Variants in C4orf36 observed in about 807,000 individuals in gnomAD.
C4orf36 encodes the protein uncharacterized protein C4orf36.
In C4orf36, 11 loss-of-function variants were observed where a neutral mutation model predicts 12.2. The ratio of observed to expected loss-of-function variants is 0.90; its 90% CI spans 0.57 to 1.49. C4orf36 has a LOEUF of 1.49. Ranked by LOEUF, C4orf36 falls within the 40% of genes most tolerant of loss-of-function variation. The pLI is 0.00. For synonymous variants in C4orf36, 54 were observed against 51.3 expected (o/e 1.05, Z -0.22); for missense variants, 137 against 133.9 (o/e 1.02, Z -0.11).
the C4orf36 span, among the ~76,000 whole-genome samples, chr4:86,924,122 C>G: frequency 6.6e-6 from 1 of 152,104 alleles, no homozygotes; most frequent in Non-Finnish European, 1.5e-5. Context: ...CTTGCTGCAG[C>G]CTCAACTTCC....
chr4:86,919,095 G>A, the C4orf36 span, among the ~76,000 whole-genome samples: 1 of 149,804 alleles, frequency 6.7e-6, no homozygotes, highest in South Asian at 2.2e-4. Context: ...CCAAGGACAG[G>A]AGGAGGAGAG....
intron 4 of C4orf36, among the ~76,000 whole-genome samples, chr4:86,885,735 GT>G (rs1747162293): frequency 6.6e-6 from 1 of 152,128 alleles, no homozygotes; most frequent in Admixed American, 6.5e-5. Context: ...CCAACACTAT[GT>G]TGAATAGGAG....
chr4:86,932,076 G>A, the C4orf36 span: 1 of 151,594 alleles, frequency 6.6e-6, no homozygotes, highest in Non-Finnish European at 1.5e-5. Context: ...TCCGGGCGTG[G>A]TGGCTCACGC....
At chr4:86,903,625 A>C in the C4orf36 span, among the ~76,000 whole-genome samples, 1,439 of 152,304 alleles carry the variant, frequency 9.4e-3, 29 homozygotes, top group African/African-American at 0.033. Flanking sequence ...TATTCCAAAG[A>C]TCAAAAGAAC....
intron 4 of C4orf36, chr4:86,886,640 T>A (rs371055250): frequency 6.6e-6 from 1 of 152,118 alleles, no homozygotes; most frequent in South Asian, 2.1e-4. Context: ...TGTGGAGAAA[T>A]AGGAACACTT....
chr4:86,879,218 G>A (rs919794350), intron 4 of C4orf36, among the ~76,000 whole-genome samples: 2 of 152,086 alleles, frequency 1.3e-5, no homozygotes, highest in African/African-American at 4.8e-5. Context: ...CCAAAGAAAC[G>A]CAGGCCTATG....
intron 4 of C4orf36, among the ~76,000 whole-genome samples, chr4:86,881,595 A>C (rs1456857464): frequency 6.6e-6 from 1 of 152,194 alleles, no homozygotes; most frequent in Non-Finnish European, 1.5e-5. Context: ...TCTCTAAAAA[A>C]ATTCTTTTAA....
the C4orf36 span, among the ~76,000 whole-genome samples, chr4:86,906,444 T>A: frequency 1.3e-5 from 2 of 152,126 alleles, no homozygotes; most frequent in East Asian, 1.9e-4. Context: ...ATCAGCTTTT[T>A]AGGCCAGGCA....
At chr4:86,918,581 A>G in the C4orf36 span, among the ~76,000 whole-genome samples, 1 of 152,196 alleles carries the variant, frequency 6.6e-6, no homozygotes, top group South Asian at 2.1e-4. Flanking sequence ...ATAACACCTG[A>G]CCATCTTGGG....
the C4orf36 span, among the ~76,000 whole-genome samples, chr4:86,926,557 T>C: frequency 6.6e-6 from 1 of 152,204 alleles, no homozygotes; most frequent in Non-Finnish European, 1.5e-5. Context: ...CTGCAGGTTA[T>C]GGTCCTCATA....
the C4orf36 span, among the ~76,000 whole-genome samples, chr4:86,908,817 G>A: frequency 2.0e-5 from 3 of 152,048 alleles, no homozygotes; most frequent in Admixed American, 6.6e-5. Flanking sequence ...CTCAGACGTC[G>A]GAAGATCAAA....
the C4orf36 span, among the ~76,000 whole-genome samples, chr4:86,917,465 AAAG>A: frequency 2.3e-5 from 2 of 86,980 alleles, no homozygotes; most frequent in African/African-American, 5.6e-5. Flanking sequence ...GAAAGAAAGA[AAAG>A]AAAGAAATAA....
At chr4:86,885,895 GT>G (rs1747166498) in intron 4 of C4orf36, among the ~76,000 whole-genome samples, 1 of 152,198 alleles carries the variant, frequency 6.6e-6, no homozygotes, top group Admixed American at 6.5e-5. Flanking sequence ...TTTATTGACA[GT>G]TTTTAGCGTG....
the C4orf36 span, among the ~76,000 whole-genome samples, chr4:86,923,646 C>T: frequency 2.0e-5 from 3 of 151,674 alleles, no homozygotes; most frequent in Non-Finnish European, 4.4e-5. Flanking sequence ...CCTGTAATCC[C>T]AGCTACTTGG....
At chr4:86,928,176 G>A in the C4orf36 span, among the ~76,000 whole-genome samples, 2 of 152,198 alleles carry the variant, frequency 1.3e-5, no homozygotes, top group Admixed American at 6.5e-5. Flanking sequence ...GTTCAGTGGA[G>A]AAAATTTAAT....
the C4orf36 span, among the ~76,000 whole-genome samples, chr4:86,905,121 C>T: frequency 6.6e-6 from 1 of 151,868 alleles, no homozygotes; most frequent in Non-Finnish European, 1.5e-5. Flanking sequence ...GCCTGCAATC[C>T]CAGCACTTTG....
At chr4:86,876,901 A>T (rs1746941147) in intron 4 of C4orf36, among the ~76,000 whole-genome samples, 1 of 152,254 alleles carries the variant, frequency 6.6e-6, no homozygotes, top group African/African-American at 2.4e-5. Flanking sequence ...TCTAAATCTG[A>T]TTTTTAAGAA....
At chr4:86,878,155 G>A (rs1746970669) in intron 4 of C4orf36, among the ~76,000 whole-genome samples, 1 of 151,830 alleles carries the variant, frequency 6.6e-6, no homozygotes, top group African/African-American at 2.4e-5. Context: ...AAATCAAACT[G>A]GAAGATTATC....
At chr4:86,931,313 C>A in the C4orf36 span, among the ~76,000 whole-genome samples, 1 of 152,102 alleles carries the variant, frequency 6.6e-6, no homozygotes, top group East Asian at 1.9e-4. Context: ...ATCCTTCCTC[C>A]TTTTTCATCC....
Sources: gnomAD v4.1 joint callset for allele counts (sites outside exome capture counted in the v4.1 genomes callset) on GRCh38, gnomAD v4.1.1 for gene constraint, MANE v1.5 for transcripts, NCBI Gene and HGNC (gene_info 2026-07-23, HGNC 2026-07-21) for gene names.